Variants in PRKCA observed in about 807,000 individuals in gnomAD.
The protein encoded by PRKCA is protein kinase C alpha type.
PRKCA carries 27 observed loss-of-function variants against 87.0 expected under a neutral mutation model. That is an observed-to-expected ratio of 0.31 (90% confidence interval 0.23 to 0.43). PRKCA has a LOEUF of 0.43. Among genes scored for constraint, PRKCA ranks in the 20% least tolerant of loss-of-function variants. PRKCA has a pLI of 1.00. For missense variants in PRKCA, 518 were observed against 852.3 expected (o/e 0.61, Z 4.88); for synonymous variants, 329 against 311.1 (o/e 1.06, Z -0.61).
intron 2 of PRKCA, among the ~76,000 whole-genome samples, chr17:66,385,406 T>C (rs1341557540): frequency 6.6e-6 from 1 of 152,222 alleles, no homozygotes; most frequent in Non-Finnish European, 1.5e-5. Context: ...TTCTAAATCA[T>C]CCACACATAG....
intron 5 of PRKCA, among the ~76,000 whole-genome samples, chr17:66,649,906 C>A (rs1192286347): frequency 6.6e-6 from 1 of 152,104 alleles, no homozygotes; most frequent in Admixed American, 6.5e-5. Flanking sequence ...GGAGAAGCAG[C>A]CGACTGAATA....
At chr17:66,774,691 G>T in intron 14 of PRKCA, 1 of 986,278 alleles carries the variant, frequency 1.0e-6, no homozygotes, top group Middle Eastern at 5.2e-4. Context: ...ACTGGGGTTG[G>T]GTTATATGGT....
intron 2 of PRKCA, among the ~76,000 whole-genome samples, chr17:66,354,028 T>C (rs1302380216): frequency 6.6e-6 from 1 of 152,176 alleles, no homozygotes; most frequent in East Asian, 1.9e-4. Flanking sequence ...ATCTTGAAAT[T>C]TTATGATTTG....
At chr17:66,560,609 A>T (rs1968648360) in intron 3 of PRKCA, among the ~76,000 whole-genome samples, 1 of 152,160 alleles carries the variant, frequency 6.6e-6, no homozygotes, top group Admixed American at 6.5e-5. Context: ...CCTCCATCTG[A>T]TCACACTGAA....
chr17:66,732,838 T>G lies in PRKCA; in HGVS notation c.1056+13T>G, dbSNP rs370610957. ...GAGTTTTGGAAAGGTAAGAGGACAG[T>G]CGTCTGCAAATTGCAGGGGCTTCTG... On this transcript the variant is annotated intron_variant, in intron 9 of 16. Transcript: ENST00000413366. 6.2e-7 allele frequency: 1 copy of G among 1,608,048 alleles called. No individual in the cohort carries two copies. Among genetic ancestry groups the G allele is most frequent in the African/African-American group, 1.3e-5 (1 of 74,362 alleles).
chr17:66,799,990 T>C (rs1249104644), intron 16 of PRKCA, among the ~76,000 whole-genome samples: 1 of 152,130 alleles, frequency 6.6e-6, no homozygotes, highest in Non-Finnish European at 1.5e-5. Context: ...GTCTCGTAGC[T>C]GATCTAACCC....
intron 8 of PRKCA, among the ~76,000 whole-genome samples, chr17:66,703,038 G>A (rs1351507209): frequency 2.0e-5 from 3 of 152,176 alleles, no homozygotes; most frequent in African/African-American, 7.2e-5. Context: ...GTAAGTGAGT[G>A]AGTGGTGAGG....
chr17:66,752,203 C>T (rs1253257576), intron 13 of PRKCA, among the ~76,000 whole-genome samples: 2 of 152,226 alleles, frequency 1.3e-5, no homozygotes, highest in African/African-American at 4.8e-5. Flanking sequence ...CTTAGCCTGC[C>T]TCAGAGGGAG....
chr17:66,331,197 A>T (rs1267656092), intron 2 of PRKCA, among the ~76,000 whole-genome samples: 2 of 152,054 alleles, frequency 1.3e-5, no homozygotes, highest in Non-Finnish European at 2.9e-5. Context: ...GTGTCCTCTG[A>T]TGGCCTCATC....
intron 3 of PRKCA, among the ~76,000 whole-genome samples, chr17:66,536,245 A>G (rs1439677526): frequency 6.6e-6 from 1 of 152,260 alleles, no homozygotes; most frequent in African/African-American, 2.4e-5. Context: ...CTGTGTGACT[A>G]GAACTTTCCT....
intron 8 of PRKCA, among the ~76,000 whole-genome samples, chr17:66,720,913 G>A (rs560106331): frequency 2.6e-5 from 4 of 152,264 alleles, no homozygotes; most frequent in African/African-American, 9.6e-5. Context: ...AATGCTAAGA[G>A]ATCATGTATT....
At chr17:66,530,242 C>T (rs559288608) in intron 3 of PRKCA, among the ~76,000 whole-genome samples, 11 of 152,176 alleles carry the variant, frequency 7.2e-5, no homozygotes, top group South Asian at 2.1e-4. Flanking sequence ...TTGGTTTGAG[C>T]GACGGAAGGA....
At chr17:66,329,064 A>C (rs1014005544) in intron 2 of PRKCA, among the ~76,000 whole-genome samples, 1 of 152,224 alleles carries the variant, frequency 6.6e-6, no homozygotes, top group Non-Finnish European at 1.5e-5. Flanking sequence ...AGAAGTGGGC[A>C]AGAATGGATG....
chr17:66,738,585 A>G (rs1598908339), intron 10 of PRKCA, among the ~76,000 whole-genome samples, 179 bp from the exon 11 acceptor site: 1 of 152,376 alleles, frequency 6.6e-6, no homozygotes, highest in African/African-American at 2.4e-5. Flanking sequence ...GCCCTCATGC[A>G]GTAGGGTTTA....
chr17:66,309,521 C>T (rs562613186), intron 2 of PRKCA, among the ~76,000 whole-genome samples: 1 of 152,202 alleles, frequency 6.6e-6, no homozygotes, highest in Non-Finnish European at 1.5e-5. Flanking sequence ...CACAGGATCC[C>T]GTTGTCAGAA....
chr17:66,475,532 T>C (rs1915502203), intron 2 of PRKCA, among the ~76,000 whole-genome samples: 1 of 152,188 alleles, frequency 6.6e-6, no homozygotes, highest in African/African-American at 2.4e-5. Context: ...CCATGCAGGA[T>C]GTGTACTGTC....
chr17:66,313,987 C>G (rs1323090625), intron 2 of PRKCA, among the ~76,000 whole-genome samples: 1 of 152,178 alleles, frequency 6.6e-6, no homozygotes, highest in Non-Finnish European at 1.5e-5. Context: ...TGTCAGACAT[C>G]TAGCTTTCAT....
At chr17:66,589,443 G>A (rs1567918415) in intron 3 of PRKCA, among the ~76,000 whole-genome samples, 1 of 152,082 alleles carries the variant, frequency 6.6e-6, no homozygotes, top group Non-Finnish European at 1.5e-5. Flanking sequence ...CAGCTTTAAT[G>A]GCTGTGTAGT....
intron 2 of PRKCA, among the ~76,000 whole-genome samples, chr17:66,329,236 G>C (rs1254817438): frequency 6.6e-6 from 1 of 152,170 alleles, no homozygotes; most frequent in Admixed American, 6.5e-5. Flanking sequence ...GGTATCAAAG[G>C]TCAGAGGACT....
Sources: gnomAD v4.1 joint callset for allele counts (sites outside exome capture counted in the v4.1 genomes callset) on GRCh38, gnomAD v4.1.1 for gene constraint, MANE v1.5 for transcripts, NCBI Gene and HGNC (gene_info 2026-07-23, HGNC 2026-07-21) for gene names.